EXOC2: variants seen among roughly 807,000 people sequenced by gnomAD.
EXOC2 encodes SEC5-like 1.
A neutral mutation model predicts 131.8 loss-of-function variants in EXOC2; 70 were observed. The observed-to-expected ratio is 0.53, with a 90% confidence interval of 0.44 to 0.65. The LOEUF (loss-of-function observed/expected upper bound fraction) is 0.65, where lower values mean the gene tolerates loss of function less well. EXOC2 is among the 30% of genes least tolerant of loss of function. The pLI is 0.00. For synonymous variants in EXOC2, 411 were observed against 398.4 expected, an observed-to-expected ratio of 1.03 and a Z score of -0.38; for missense variants, 923 against 1,108.6, an observed-to-expected ratio of 0.83 and a Z score of 2.38.
At chr6:670,908 T>C (rs1282658661) in intron 1 of EXOC2, among the ~76,000 whole-genome samples, 1 of 152,038 alleles carries the variant, frequency 6.6e-6, no homozygotes, top group Non-Finnish European at 1.5e-5. Flanking sequence ...GTTGCAACTG[T>C]AGGTCAAGAA....
rs1312641302 is a variant in EXOC2, at chr6:666,867, C to CT, written c.-44+26151dup. On this transcript the variant is annotated intron_variant, in intron 1 of 27. Coordinates refer to ENST00000230449, the MANE Select transcript of EXOC2 (RefSeq NM_018303.6). Reference sequence around the variant, plus strand: ...CTTCTCTTAGCATGGCAATTATGTTCTTTTTTTTTTAATTTTTTTTTCAGT... The same window carrying CT: ...CTTCTCTTAGCATGGCAATTATGTTCTTTTTTTTTTTAATTTTTTTTTCAGT... Among the ~76,000 whole-genome samples, 22 of 89,800 alleles carry CT rather than the reference C, an allele frequency of 2.4e-4. 6 individuals are homozygous for CT. The highest frequency in any genetic ancestry group is 1.8e-3 in the East Asian group (3 of 1,664). The allele number at this position is 89,800 out of a possible 152,430, so 58.9% of individuals were successfully genotyped here. A position where few individuals can be genotyped will look rare whatever the true frequency, so the allele number is the denominator to read the frequency against.
Position 576,866 on chromosome 6 carries a change from G to C in EXOC2, c.1209C>G (p.His403Gln), listed in dbSNP as rs1307681542. ...VKDLKGNPGL[H>Q]SPMLDLDNDT... Reference sequence around the variant, plus strand: ...CATTATCAAGATCCAACATGGGACTGTGCAGGCCTGGGTTACCTGGGGAAG... The same window carrying C: ...CATTATCAAGATCCAACATGGGACTCTGCAGGCCTGGGTTACCTGGGGAAG... Residue 403 changes from histidine (H) to glutamine (Q), a missense_variant, in exon 12 of 28, where the codon CAC becomes CAG. Physicochemically the swap from His to Gln is conservative, Grantham distance 24 (BLOSUM62 0). Coordinates refer to ENST00000230449, the MANE Select transcript of EXOC2 (RefSeq NM_018303.6). 2 of 1,614,020 alleles carry C rather than the reference G, an allele frequency of 1.2e-6. No homozygotes were observed. The highest frequency in any genetic ancestry group is 1.7e-4 in the Middle Eastern group (1 of 6,044).
At chr6:652,931 G>A (rs1762897885) in intron 1 of EXOC2, among the ~76,000 whole-genome samples, 1 of 152,172 alleles carries the variant, frequency 6.6e-6, no homozygotes, top group Non-Finnish European at 1.5e-5. Flanking sequence ...CTCACTCCAT[G>A]TCTCTGTGTC....
At chr6:642,025 C>T (rs9392720) in intron 1 of EXOC2, among the ~76,000 whole-genome samples, 107,638 of 151,982 alleles carry the variant, frequency 0.71, 38,769 homozygotes, top group Middle Eastern at 0.88. Flanking sequence ...CCCGTCCACA[C>T]TGCCTACTTC....
At chr6:660,174 C>T (rs960203791) in intron 1 of EXOC2, among the ~76,000 whole-genome samples, 5 of 149,382 alleles carry the variant, frequency 3.3e-5, no homozygotes, top group African/African-American at 2.5e-5. Context: ...CAAGACCCAC[C>T]CATCCCCCCC....
At chr6:658,100 C>CT (rs879884060) in intron 1 of EXOC2, among the ~76,000 whole-genome samples, 5 of 152,084 alleles carry the variant, frequency 3.3e-5, no homozygotes, top group Non-Finnish European at 5.9e-5. Flanking sequence ...CAGTTGAAAT[C>CT]TTTTTTGGAG....
At chr6:606,646 G>A (rs571365160) in intron 7 of EXOC2, among the ~76,000 whole-genome samples, 6 of 151,992 alleles carry the variant, frequency 3.9e-5, no homozygotes, top group South Asian at 2.1e-4. Flanking sequence ...CCTTTGCACC[G>A]TCCACATCAT....
rs1398685260 is a variant in EXOC2, at chr6:666,434, CTTCCAGAAAAT to C, written c.-44+26574_-44+26584del. Among the ~76,000 whole-genome samples the C allele has an allele frequency of 6.3e-5, 2 of 31,606 alleles. 1 individual carries two copies. The highest frequency in any genetic ancestry group is 1.3e-4 in the African/African-American group (2 of 14,966). The allele number at this position is 31,606 out of a possible 152,430, so 20.7% of individuals were successfully genotyped here. A position where few individuals can be genotyped will look rare whatever the true frequency, so the allele number is the denominator to read the frequency against. ...GAATTTCAAAAACTGGTCAGCATCC[CTTCCAGAAAAT>C]TTCCAGAAAATTTAGGTCTATTAAA... On this transcript the variant is annotated intron_variant, in intron 1 of 27. Transcript: ENST00000230449.
chr6:489,146 A>C, intron 26 of EXOC2, 108 bp from the exon 27 acceptor site: 3 of 1,024,896 alleles, frequency 2.9e-6, no homozygotes, highest in Non-Finnish European at 4.3e-6. Context: ...CCAGTGAAGC[A>C]AGGAAATATG....
intron 1 of EXOC2, among the ~76,000 whole-genome samples, chr6:672,894 A>C (rs1164768228): frequency 6.6e-6 from 1 of 152,230 alleles, no homozygotes; most frequent in Non-Finnish European, 1.5e-5. Flanking sequence ...AGTACATTTT[A>C]CAATTTACTC....
chr6:577,147 T>C (rs1458283148), intron 11 of EXOC2, among the ~76,000 whole-genome samples: 1 of 152,242 alleles, frequency 6.6e-6, no homozygotes, highest in Non-Finnish European at 1.5e-5. Context: ...AAAACAACTT[T>C]TGGCACTAGG....
At chr6:645,324 TTATAAAC>T (rs771821188) in intron 1 of EXOC2, among the ~76,000 whole-genome samples, 3 of 151,660 alleles carry the variant, frequency 2.0e-5, no homozygotes, top group Non-Finnish European at 2.9e-5. Context: ...AAAACTAAAA[TTATAAAC>T]TATAAAGAAG....
rs549447612 is a variant in EXOC2, at chr6:485,644, G to C, written c.*1027C>G. ...CCTATTCCAGTGAAGCCAGTCAGCA[G>C]TGAATGTGGGGCAAGTGCATGCGGC... On this transcript the variant is annotated 3_prime_UTR_variant, in exon 28 of 28. Coordinates refer to ENST00000230449, the MANE Select transcript of EXOC2 (RefSeq NM_018303.6). The C allele has an allele frequency of 1.3e-5, 2 of 152,368 alleles. No homozygotes were observed. The highest frequency in any genetic ancestry group is 1.3e-4 in the Admixed American group (2 of 15,308). The allele number at this position is 152,368 out of a possible 1,614,324, so 9.4% of individuals were successfully genotyped here. A position where few individuals can be genotyped will look rare whatever the true frequency, so the allele number is the denominator to read the frequency against.
chr6:637,021 G>A (rs1024298471), intron 2 of EXOC2, among the ~76,000 whole-genome samples: 1 of 152,180 alleles, frequency 6.6e-6, no homozygotes, highest in Non-Finnish European at 1.5e-5. Flanking sequence ...CAGGCCATCA[G>A]TAAAGGCCGC....
At chr6:618,092 C>A (rs974871017) in intron 5 of EXOC2, among the ~76,000 whole-genome samples, 42 of 152,230 alleles carry the variant, frequency 2.8e-4, no homozygotes, top group African/African-American at 1.0e-3. Context: ...ATACATTAGA[C>A]CCCTAAGAAG....
intron 7 of EXOC2, among the ~76,000 whole-genome samples, chr6:600,861 G>A (rs1760094052): frequency 6.6e-6 from 1 of 152,080 alleles, no homozygotes; most frequent in Admixed American, 6.6e-5. Context: ...CAAATTATAA[G>A]TTATGAGATT....
At chr6:493,663 A>G (rs1419586391) in intron 25 of EXOC2, among the ~76,000 whole-genome samples, 1 of 152,206 alleles carries the variant, frequency 6.6e-6, no homozygotes, top group Non-Finnish European at 1.5e-5. Flanking sequence ...CTAATTGCCT[A>G]TCAAAGGTTA....
intron 24 of EXOC2, among the ~76,000 whole-genome samples, chr6:499,151 G>A (rs554467457): frequency 3.4e-4 from 51 of 152,174 alleles, no homozygotes; most frequent in Admixed American, 7.2e-4. Flanking sequence ...AGTCAACCAC[G>A]GACAGGAAAC....
At chr6:672,960 C>T (rs1016331290) in intron 1 of EXOC2, among the ~76,000 whole-genome samples, 1 of 152,016 alleles carries the variant, frequency 6.6e-6, no homozygotes, top group African/African-American at 2.4e-5. Flanking sequence ...AGTTTGTAGA[C>T]TCTGTTTTAA....
Sources: gnomAD v4.1 joint callset for allele counts (sites outside exome capture counted in the v4.1 genomes callset) on GRCh38, gnomAD v4.1.1 for gene constraint, MANE v1.5 for transcripts, NCBI Gene and HGNC (gene_info 2026-07-23, HGNC 2026-07-21) for gene names.